PRDM16: variants seen among roughly 807,000 people sequenced by gnomAD.
PRDM16 encodes the protein histone-lysine N-methyltransferase PRDM16.
In PRDM16, 23 loss-of-function variants were observed where a neutral mutation model predicts 110.6. The observed-to-expected ratio is 0.21, with a 90% CI of 0.15 to 0.29. PRDM16 has a LOEUF of 0.29. Among genes scored for constraint, PRDM16 ranks in the 10% least tolerant of loss-of-function variants. The pLI is 1.00. For missense variants in PRDM16, 1,615 were observed against 1,794.3 expected, an observed-to-expected ratio of 0.90 and a Z score of 1.81; for synonymous variants, 799 against 781.8, an observed-to-expected ratio of 1.02 and a Z score of -0.37.
At chr1:3,430,499 G>A (rs1340125140) in intron 14 of PRDM16, among the ~76,000 whole-genome samples, 3 of 152,202 alleles carry the variant, frequency 2.0e-5, no homozygotes, top group African/African-American at 7.2e-5. Flanking sequence ...TGCCCTGAGG[G>A]TGCCCCTCGT....
At chr1:3,262,605 G>A (rs993330427) in intron 3 of PRDM16, among the ~76,000 whole-genome samples, 8 of 152,234 alleles carry the variant, frequency 5.3e-5, no homozygotes, top group Non-Finnish European at 8.8e-5. Flanking sequence ...AAGTTGGAGG[G>A]ATGGGGTCCT....
At chr1:3,238,000 G>A (rs1569900634) in intron 2 of PRDM16, 1 of 152,574 alleles carries the variant, frequency 6.6e-6, no homozygotes, top group East Asian at 1.9e-4. Flanking sequence ...CCATGGGGTT[G>A]GGGGCGAAGA....
At chr1:3,274,690 T>C (rs1158324019) in intron 3 of PRDM16, among the ~76,000 whole-genome samples, 3 of 152,242 alleles carry the variant, frequency 2.0e-5, no homozygotes. Context: ...GCGTGATTAT[T>C]ACAGACTCTG....
intron 8 of PRDM16, among the ~76,000 whole-genome samples, chr1:3,409,647 TGTGTGTGTGTGGTGTGCGTGTCTGTG>T (rs1327561183): frequency 1.3e-5 from 2 of 151,578 alleles, no homozygotes; most frequent in African/African-American, 4.8e-5. Flanking sequence ...CTCGCCGGGA[TGTGTGTGTGTGGTGTGCGTGTCTGTG>T]GTGTGTGTGT....
chr1:3,182,141 A>G (rs1644217875), intron 1 of PRDM16, among the ~76,000 whole-genome samples: 1 of 152,234 alleles, frequency 6.6e-6, no homozygotes, highest in Non-Finnish European at 1.5e-5. Flanking sequence ...TGCAGGCCTC[A>G]TGGCTTCTCT....
chr1:3,098,292 T>C (rs1642453003), intron 1 of PRDM16, among the ~76,000 whole-genome samples: 1 of 152,222 alleles, frequency 6.6e-6, no homozygotes, highest in Admixed American at 6.5e-5. Context: ...CAGTGGGTTT[T>C]CTTGGGGCCG....
rs115417919 is a variant in PRDM16 at position 3,313,072 on chromosome 1, C to A, written c.438+68935C>A. Among the ~76,000 whole-genome samples the A allele has an allele frequency of 5.0e-3, 766 of 152,330 alleles. 8 individuals carry two copies. The highest frequency in any genetic ancestry group is 0.017 in the African/African-American group (721 of 41,578). ...CACACACAGGCACAGGCACCGTGTC[C>A]CAAGGCCATCTCCCAAGGGCACCCG... is the stretch of plus-strand genomic sequence containing the variant. On this transcript the variant is annotated intron_variant, in intron 3 of 16. Transcript: ENST00000270722.
intron 3 of PRDM16, among the ~76,000 whole-genome samples, chr1:3,378,065 G>A (rs537576939): frequency 3.9e-5 from 6 of 152,338 alleles, no homozygotes; most frequent in East Asian, 3.9e-4. Context: ...GGCTGGGCTC[G>A]CGCCCTAGGG....
At chr1:3,377,351 TTCC>T (rs1220869790) in intron 3 of PRDM16, among the ~76,000 whole-genome samples, 1 of 152,172 alleles carries the variant, frequency 6.6e-6, no homozygotes, top group Non-Finnish European at 1.5e-5. Flanking sequence ...TGCTGCGGCG[TTCC>T]CACCTGCACG....
At chr1:3,249,533 C>T (rs1407325408) in intron 3 of PRDM16, among the ~76,000 whole-genome samples, 2 of 138,004 alleles carry the variant, frequency 1.4e-5, no homozygotes, top group East Asian at 4.0e-4. Context: ...TACCCATGCA[C>T]TTTATTACCA....
intron 3 of PRDM16, chr1:3,309,533 CTG>C (rs1204311647): frequency 6.6e-6 from 1 of 152,262 alleles, no homozygotes; most frequent in East Asian, 1.9e-4. Flanking sequence ...CCTAACCTCT[CTG>C]TGCTCATTTC....
intron 3 of PRDM16, chr1:3,310,014 G>A (rs1641411469): frequency 1.3e-5 from 2 of 152,224 alleles, no homozygotes; most frequent in Non-Finnish European, 2.9e-5. Context: ...TTGGTGCCGA[G>A]CCTTACCCAG....
chr1:3,233,343 G>A (rs1204593503), intron 2 of PRDM16, among the ~76,000 whole-genome samples: 1 of 152,242 alleles, frequency 6.6e-6, no homozygotes, highest in African/African-American at 2.4e-5. Context: ...TGTGAGTCGG[G>A]ACAGCCACTT....
At chr1:3,410,445 T>A (rs1033160211) in intron 8 of PRDM16, among the ~76,000 whole-genome samples, 1 of 152,156 alleles carries the variant, frequency 6.6e-6, no homozygotes, top group Non-Finnish European at 1.5e-5. Flanking sequence ...CAGGGAATAG[T>A]CCCTCTGCAT....
At position 3,144,107 on chromosome 1, in the gene PRDM16, C is replaced by T. The variant is rs565900083; in HGVS notation, c.38-42018C>T. On this transcript the variant is annotated intron_variant, in intron 1 of 16. Transcript: ENST00000270722. ...GGCCTGTGCAGACCCCAGCTTGGGG[C>T]GGAGGGACCTATCTGCCACCTGGAC... Among the ~76,000 whole-genome samples, 159 of 152,286 alleles carry T rather than the reference C, an allele frequency of 1.0e-3. 1 individual carries two copies. Among genetic ancestry groups the T allele is most frequent in the African/African-American group, 3.3e-3 (137 of 41,552 alleles).
At chr1:3,272,451 A>C (rs1640477517) in intron 3 of PRDM16, among the ~76,000 whole-genome samples, 1 of 152,124 alleles carries the variant, frequency 6.6e-6, no homozygotes, top group Admixed American at 6.5e-5. Context: ...TGTCCTGGGC[A>C]CGGCGGCTAG....
intron 3 of PRDM16, among the ~76,000 whole-genome samples, chr1:3,336,184 C>A (rs1406983531): frequency 6.6e-6 from 1 of 152,194 alleles, no homozygotes; most frequent in Non-Finnish European, 1.5e-5. Flanking sequence ...TAGCGGGGGA[C>A]ATGCATATGT....
At chr1:3,167,119 A>G (rs1032903045) in intron 1 of PRDM16, among the ~76,000 whole-genome samples, 3 of 152,100 alleles carry the variant, frequency 2.0e-5, no homozygotes, top group Non-Finnish European at 2.9e-5. Flanking sequence ...GCTGGTCTAC[A>G]TGGCTACTAC....
chr1:3,181,373 C>G (rs1348473344), intron 1 of PRDM16, among the ~76,000 whole-genome samples: 1 of 34,274 alleles, frequency 2.9e-5, no homozygotes, highest in Non-Finnish European at 7.1e-5. Context: ...CTTACACACG[C>G]AGTCTTACAC....
Sources: gnomAD v4.1 joint callset for allele counts (sites outside exome capture counted in the v4.1 genomes callset) on GRCh38, gnomAD v4.1.1 for gene constraint, MANE v1.5 for transcripts, NCBI Gene and HGNC (gene_info 2026-07-23, HGNC 2026-07-21) for gene names.